The following GALNT2 variants were observed in gnomAD, a reference collection of about 807,000 sequenced individuals.
GALNT2 encodes the protein UDP-GalNAc:polypeptide N-acetylgalactosaminyltransferase 2.
Under a neutral mutation model 81.4 loss-of-function variants are expected in GALNT2, and 31 were observed. That is an observed-to-expected ratio of 0.38 (90% CI 0.29 to 0.51). The LOEUF (loss-of-function observed/expected upper bound fraction) is 0.51. Among genes scored for constraint, GALNT2 ranks in the 20% least tolerant of loss-of-function variants. The pLI is 0.87. For missense variants in GALNT2, 629 were observed against 765.7 expected, an observed-to-expected ratio of 0.82 and a Z score of 2.11; for synonymous variants, 303 against 287.4, an observed-to-expected ratio of 1.05 and a Z score of -0.55.
rs1379867299 is a variant in GALNT2, at chr1:230,235,995, C to T, written c.375-19C>T. The T allele has an allele frequency of 6.2e-7, 1 of 1,612,376 alleles. No individual in the cohort carries two copies. Among genetic ancestry groups the T allele is most frequent in the Non-Finnish European group, 8.5e-7 (1 of 1,178,636 alleles). The stretch of plus-strand genomic sequence containing the variant: ...CTCTGGGGGTCATTGTTCAGAGGAC[C>T]ATCTTTCTCTTCCTGCAGGTGTCAG... On this transcript the variant is annotated intron_variant, in intron 3 of 15. Transcript: ENST00000366672.
chr1:230,155,177 G>T (rs1662209803), intron 1 of GALNT2, among the ~76,000 whole-genome samples: 1 of 152,298 alleles, frequency 6.6e-6, no homozygotes, highest in African/African-American at 2.4e-5. Context: ...TTCTGTGTGA[G>T]AGCGTCACTT....
chr1:230,100,691 C>T (rs968488470), intron 1 of GALNT2, among the ~76,000 whole-genome samples: 1 of 152,134 alleles, frequency 6.6e-6, no homozygotes, highest in African/African-American at 2.4e-5. Context: ...AATGTGTAGG[C>T]ACAGGGAACC....
At chr1:230,136,230 T>TAACTAC (rs1661533641) in intron 1 of GALNT2, among the ~76,000 whole-genome samples, 1 of 152,072 alleles carries the variant, frequency 6.6e-6, no homozygotes, top group African/African-American at 2.4e-5. Context: ...CAGGTAACTA[T>TAACTAC]GATCGAACCT....
chr1:230,170,379 G>A (rs1662752336), intron 1 of GALNT2, among the ~76,000 whole-genome samples: 1 of 152,162 alleles, frequency 6.6e-6, no homozygotes, highest in East Asian at 1.9e-4. Context: ...CTAATGATGA[G>A]TAGGAGGAAA....
At chr1:230,190,495 G>C (rs369130637) in intron 2 of GALNT2, among the ~76,000 whole-genome samples, 13 of 152,180 alleles carry the variant, frequency 8.5e-5, no homozygotes, top group African/African-American at 2.9e-4. Context: ...CAATCTTTTC[G>C]TGAATTTCTA....
At chr1:230,130,848 T>C (rs1361010389) in intron 1 of GALNT2, among the ~76,000 whole-genome samples, 2 of 151,856 alleles carry the variant, frequency 1.3e-5, no homozygotes, top group Non-Finnish European at 1.5e-5. Context: ...GGATGAAAGC[T>C]GAGTGGGCGG....
upstream of GALNT2, among the ~76,000 whole-genome samples, chr1:230,065,321 GT>G (rs1297980719): frequency 6.6e-6 from 1 of 151,894 alleles, no homozygotes; most frequent in Non-Finnish European, 1.5e-5. Flanking sequence ...GATAGTTTTT[GT>G]CATTACTTTC....
intron 14 of GALNT2, among the ~76,000 whole-genome samples, chr1:230,268,815 C>G (rs147632335): frequency 6.6e-6 from 1 of 152,330 alleles, no homozygotes; most frequent in South Asian, 2.1e-4. Flanking sequence ...CCTCACCCCC[C>G]GGTCCTGCCC....
rs1553261926 is a variant in GALNT2, at chr1:230,151,777, A to AAAT, written c.127-26439_127-26438insTAA. ...AGAGCAAGTCCGTAGTGCAAAGTGA[A>AAAT]AAGTTTATTACAAAAGTAAAGGAAT... On this transcript the variant is annotated intron_variant, in intron 1 of 15. Coordinates refer to ENST00000366672, the MANE Select transcript of GALNT2 (RefSeq NM_004481.5). Among the ~76,000 whole-genome samples, 4 of 151,948 alleles carry AAAT rather than the reference A, an allele frequency of 2.6e-5. No homozygotes were observed. In the East Asian group the frequency reaches 7.7e-4, roughly 29 times the overall value.
intron 1 of GALNT2, among the ~76,000 whole-genome samples, chr1:230,090,008 C>T (rs1264682758): frequency 6.6e-6 from 1 of 152,188 alleles, no homozygotes; most frequent in Non-Finnish European, 1.5e-5. Context: ...TACATTCCCA[C>T]CAACTGTACA....
chr1:230,172,081 CA>C (rs1662811570), intron 1 of GALNT2, among the ~76,000 whole-genome samples: 1 of 152,312 alleles, frequency 6.6e-6, no homozygotes, highest in African/African-American at 2.4e-5. Flanking sequence ...TCAGCTCCAC[CA>C]AACCCGATTT....
upstream of GALNT2, among the ~76,000 whole-genome samples, chr1:230,064,656 G>A (rs941125606): frequency 1.4e-4 from 21 of 152,178 alleles, no homozygotes; most frequent in African/African-American, 4.3e-4. Flanking sequence ...GAGTAGCTGC[G>A]ATTACAGGCA....
At chr1:230,126,307 A>G (rs1475424666) in intron 1 of GALNT2, among the ~76,000 whole-genome samples, 1 of 152,170 alleles carries the variant, frequency 6.6e-6, no homozygotes, top group Non-Finnish European at 1.5e-5. Context: ...ACCCCTCTGC[A>G]GAATGTGGAA....
At chr1:230,106,124 G>A (rs182737742) in intron 1 of GALNT2, among the ~76,000 whole-genome samples, 2 of 152,184 alleles carry the variant, frequency 1.3e-5, no homozygotes, top group African/African-American at 4.8e-5. Context: ...GCTCATGGCC[G>A]TGCAGTGCAG....
Position 230,141,735 on chromosome 1 carries a change from G to A in GALNT2, c.127-36483G>A, listed in dbSNP as rs555536012. ...TATGGCTATTGTGAATAGTGCTGCT[G>A]TGAAATATGGGTATACAGATATCTC... On this transcript the variant is annotated intron_variant, in intron 1 of 15. Transcript: ENST00000366672. Among the ~76,000 whole-genome samples the A allele has an allele frequency of 7.4e-5, 11 of 149,426 alleles. No individual in the cohort carries two copies. In the South Asian group the frequency reaches 2.3e-3, roughly 32 times the overall value.
Position 230,249,173 on chromosome 1 carries a change from C to A in GALNT2, c.818-11C>A. On this transcript the variant is annotated splice_polypyrimidine_tract_variant and intron_variant, in intron 8 of 15. Coordinates refer to ENST00000366672, the MANE Select transcript of GALNT2 (RefSeq NM_004481.5). ...TCTTGTCAACACCCTGTTTCTTTTC[C>A]TGGCTGGCAGGTTTTGATTGGAACT... is the stretch of plus-strand genomic sequence containing the variant. 6.2e-7 allele frequency: 1 copy of A among 1,613,792 alleles called. No individual in the cohort carries two copies.
In GALNT2 at chr1:230,178,238, C is replaced by T. The variant is rs750280888; in HGVS notation, c.147C>T (p.Asp49=). Residue 49 remains aspartate, a synonymous_variant, in exon 2 of 16, where the codon GAC becomes GAT. Coordinates refer to ENST00000366672, the MANE Select transcript of GALNT2 (RefSeq NM_004481.5). ...AGRKEDWNEI[D]PIKKKDLHHS... ...CCTAGGAGGACTGGAATGAAATTGA[C>T]CCCATTAAAAAGAAAGACCTTCATC... 1.5e-5 allele frequency: 24 copies of T among 1,613,858 alleles called. No homozygotes were observed. Among genetic ancestry groups the T allele is most frequent in the Non-Finnish European group, 1.9e-5 (22 of 1,179,788 alleles).
At chr1:230,111,491 A>G (rs1480665055) in intron 1 of GALNT2, among the ~76,000 whole-genome samples, 1 of 152,370 alleles carries the variant, frequency 6.6e-6, no homozygotes. Context: ...AAAGTGTTCA[A>G]AAGCATGGTC....
chr1:230,229,152 T>TA (rs1171316678), intron 3 of GALNT2, among the ~76,000 whole-genome samples: 3 of 152,176 alleles, frequency 2.0e-5, no homozygotes, highest in Non-Finnish European at 4.4e-5. Context: ...AAAAGCATCA[T>TA]AAACAAAATT....
Sources: gnomAD v4.1 joint callset for allele counts (sites outside exome capture counted in the v4.1 genomes callset) on GRCh38, gnomAD v4.1.1 for gene constraint, MANE v1.5 for transcripts, NCBI Gene and HGNC (gene_info 2026-07-23, HGNC 2026-07-21) for gene names.